Variants in MAP7 observed in about 807,000 individuals in gnomAD.
The protein encoded by MAP7 is ensconsin.
Under a neutral mutation model 94.8 loss-of-function variants are expected in MAP7, and 52 were observed. The observed-to-expected ratio is 0.55, with a 90% CI of 0.44 to 0.69. The LOEUF is 0.69. Among genes scored for constraint, MAP7 ranks in the 30% least tolerant of loss-of-function variants. The pLI, the probability that MAP7 is intolerant of heterozygous loss-of-function variation, is 0.00. For synonymous variants in MAP7, 350 were observed against 357.0 expected (o/e 0.98, Z 0.22); for missense variants, 940 against 964.6 (o/e 0.97, Z 0.34).
intron 1 of MAP7, among the ~76,000 whole-genome samples, chr6:136,503,930 T>G (rs908510519): frequency 6.6e-6 from 1 of 152,216 alleles, no homozygotes; most frequent in African/African-American, 2.4e-5. Context: ...CAGCACCGAT[T>G]TGTAGTCACA....
intron 1 of MAP7, among the ~76,000 whole-genome samples, chr6:136,502,301 G>A (rs1458513569): frequency 6.6e-6 from 1 of 152,250 alleles, no homozygotes; most frequent in Non-Finnish European, 1.5e-5. Context: ...ATTTCCTAAA[G>A]TGGTATACAC....
At chr6:136,376,136 TCCC>T (rs971660651) in intron 7 of MAP7, among the ~76,000 whole-genome samples, 1 of 151,656 alleles carries the variant, frequency 6.6e-6, no homozygotes, top group Non-Finnish European at 1.5e-5. Flanking sequence ...TCTCGCTCTA[TCCC>T]CCAGGCTGGA....
chr6:136,387,930 A>T (rs2128656137), intron 5 of MAP7, among the ~76,000 whole-genome samples: 1 of 152,334 alleles, frequency 6.6e-6, no homozygotes, highest in East Asian at 1.9e-4. Context: ...TTTCTAGCTC[A>T]ATAAACCTAT....
At chr6:136,359,403 A>G (rs900922627) in intron 15 of MAP7, among the ~76,000 whole-genome samples, 17 of 152,344 alleles carry the variant, frequency 1.1e-4, no homozygotes, top group Admixed American at 5.2e-4. Flanking sequence ...AAGTTGTCCA[A>G]TGTGTAAATT....
intron 15 of MAP7, 150 bp downstream of exon 15, chr6:136,359,670 G>A: frequency 1.4e-6 from 1 of 701,902 alleles, no homozygotes; most frequent in South Asian, 2.0e-5. Context: ...ATAAGAGGAA[G>A]GAAGGACTCG....
intron 3 of MAP7, among the ~76,000 whole-genome samples, chr6:136,402,942 GAAAGAA>G (rs1784585109): frequency 1.1e-5 from 1 of 88,284 alleles, no homozygotes; most frequent in African/African-American, 4.4e-5. Context: ...AAAAAAAAAA[GAAAGAA>G]AAAGAAAAAG....
chr6:136,377,747 A>C lies in MAP7; in HGVS notation c.751+8T>G. On this transcript the variant is annotated splice_region_variant and intron_variant, in intron 7 of 17. Coordinates refer to ENST00000354570, the MANE Select transcript of MAP7 (RefSeq NM_003980.6). ...CTCATGGGGAAAGTTCCACCTGGAC[A>C]GTTTTACCTGCTTCTCCAGACAAGG... 3 of 1,610,068 alleles carry C rather than the reference A, an allele frequency of 1.9e-6. No homozygotes were observed. Among genetic ancestry groups the C allele is most frequent in the Non-Finnish European group, 2.6e-6 (3 of 1,176,340 alleles).
chr6:136,549,498 T>C (rs1263773279), intron 1 of MAP7, among the ~76,000 whole-genome samples: 1 of 151,994 alleles, frequency 6.6e-6, no homozygotes, highest in Non-Finnish European at 1.5e-5. Flanking sequence ...TTGGGAAGCC[T>C]TGCTGCTGGT....
At chr6:136,488,531 G>A (rs529233048) in intron 1 of MAP7, among the ~76,000 whole-genome samples, 136 of 147,738 alleles carry the variant, frequency 9.2e-4, no homozygotes, top group Non-Finnish European at 1.7e-3. Flanking sequence ...TGCAACCTCC[G>A]CCTCCTGGGT....
At chr6:136,403,984 AG>A (rs1273521094) in intron 3 of MAP7, among the ~76,000 whole-genome samples, 7 of 152,242 alleles carry the variant, frequency 4.6e-5, no homozygotes, top group Non-Finnish European at 7.3e-5. Flanking sequence ...GACTGGTAAC[AG>A]ATATGCCGAA....
Position 136,342,805 on chromosome 6 carries a change from A to C in MAP7, c.*1423T>G, listed in dbSNP as rs945699462. On this transcript the variant is annotated 3_prime_UTR_variant, in exon 18 of 18. Transcript: ENST00000354570. Reference sequence around the variant, plus strand: ...TTAAACAAATTAAACAAGTTTGTTGAACAGATTTCTTTTCTAATATAATGA... The same window carrying C: ...TTAAACAAATTAAACAAGTTTGTTGCACAGATTTCTTTTCTAATATAATGA... The C allele has an allele frequency of 2.6e-5, 4 of 152,236 alleles. No homozygotes were observed. The highest frequency in any genetic ancestry group is 5.9e-5 in the Non-Finnish European group (4 of 68,052). The allele number at this position is 152,236 out of a possible 1,614,324, so 9.4% of individuals were successfully genotyped here. A position where few individuals can be genotyped will look rare whatever the true frequency, so the allele number is the denominator to read the frequency against.
intron 1 of MAP7, among the ~76,000 whole-genome samples, chr6:136,441,044 T>C (rs1448300615): frequency 2.6e-5 from 4 of 152,194 alleles, no homozygotes; most frequent in Non-Finnish European, 1.5e-5. Context: ...TAAAGCTCAA[T>C]ACCATTCCAT....
intron 1 of MAP7, among the ~76,000 whole-genome samples, chr6:136,537,002 C>G (rs1828937650): frequency 6.6e-6 from 1 of 152,132 alleles, no homozygotes; most frequent in African/African-American, 2.4e-5. Flanking sequence ...TTCTCTCTTC[C>G]AAAGGTTTCT....
At chr6:136,514,787 C>A (rs1464070541) in intron 1 of MAP7, among the ~76,000 whole-genome samples, 1 of 152,074 alleles carries the variant, frequency 6.6e-6, no homozygotes, top group East Asian at 1.9e-4. Flanking sequence ...TGTTGTTCCA[C>A]TGACAGAGTG....
intron 1 of MAP7, among the ~76,000 whole-genome samples, chr6:136,430,089 T>A (rs1426805177): frequency 6.6e-6 from 1 of 152,350 alleles, no homozygotes; most frequent in East Asian, 1.9e-4. Context: ...TAGTTATCCA[T>A]CTATATTTTA....
intron 1 of MAP7, among the ~76,000 whole-genome samples, chr6:136,426,280 G>GTTAAGTAATTTTAAGGAA (rs1478375824): frequency 6.6e-6 from 1 of 152,144 alleles, no homozygotes; most frequent in African/African-American, 2.4e-5. Flanking sequence ...CCTCAGAAAT[G>GTTAAGTAATTTTAAGGAA]TTAAGTAATT....
intron 1 of MAP7, among the ~76,000 whole-genome samples, chr6:136,492,463 G>C (rs3799444): frequency 0.02 from 3,065 of 152,266 alleles, 108 homozygotes; most frequent in East Asian, 0.14. Flanking sequence ...AGTGTCATCT[G>C]TTGCAAAAGT....
chr6:136,460,142 G>A (rs926370), intron 1 of MAP7, among the ~76,000 whole-genome samples: 127,477 of 152,152 alleles, frequency 0.84, 53,512 homozygotes, highest in South Asian at 0.88. Context: ...ATGTGTAACT[G>A]TAAAAAAGCA....
At chr6:136,370,905 CTTTT>C (rs67002671) in intron 8 of MAP7, among the ~76,000 whole-genome samples, 25 of 149,252 alleles carry the variant, frequency 1.7e-4, no homozygotes, top group African/African-American at 4.4e-4. Context: ...ACGTTACATG[CTTTT>C]TTTTTTTTTT....
Sources: allele counts gnomAD v4.1 joint callset (sites outside exome capture counted in the v4.1 genomes callset), GRCh38; gene constraint gnomAD v4.1.1; transcripts MANE v1.5; gene names NCBI Gene and HGNC (gene_info 2026-07-23, HGNC 2026-07-21).